Variants in NMBR observed in about 807,000 individuals in gnomAD.
NMBR encodes neuromedin B receptor, also known as neuromedin-B receptor.
Under a neutral mutation model 20.5 loss-of-function variants are expected in NMBR, and 16 were observed. That is an observed-to-expected ratio of 0.78 (90% confidence interval 0.53 to 1.19). NMBR has a LOEUF of 1.19. Among genes scored for constraint, NMBR ranks in the 50% most tolerant of loss-of-function variants. The pLI is 0.00. For missense variants in NMBR, 582 were observed against 499.1 expected (o/e 1.17, Z -1.58); for synonymous variants, 212 against 196.6 (o/e 1.08, Z -0.65).
chr6:142,108,354 G>A (rs763261975), intron 1 of NMBR, among the ~76,000 whole-genome samples: 5 of 151,992 alleles, frequency 3.3e-5, no homozygotes, highest in Non-Finnish European at 7.4e-5. Context: ...TACATAAAAG[G>A]AAACACCAGT....
chr6:142,139,532 T>C (rs187893750), intron 1 of NMBR, among the ~76,000 whole-genome samples: 22 of 152,344 alleles, frequency 1.4e-4, no homozygotes, highest in Admixed American at 1.4e-3. Flanking sequence ...TACCTTACTG[T>C]AGCATCCATT....
intron 1 of NMBR, among the ~76,000 whole-genome samples, chr6:142,103,396 G>C (rs979200002): frequency 6.6e-6 from 1 of 152,168 alleles, no homozygotes; most frequent in African/African-American, 2.4e-5. Context: ...CCATCAGGTA[G>C]CAGAAATGTA....
chr6:142,103,806 AT>A (rs1394482269), intron 1 of NMBR, among the ~76,000 whole-genome samples: 1 of 152,126 alleles, frequency 6.6e-6, no homozygotes, highest in Non-Finnish European at 1.5e-5. Context: ...TATTCAGTTA[AT>A]TTTTTGCCCT....
intron 1 of NMBR, among the ~76,000 whole-genome samples, chr6:142,124,712 T>G (rs1778001574): frequency 6.6e-6 from 1 of 151,898 alleles, no homozygotes; most frequent in African/African-American, 2.4e-5. Context: ...TTAGGAATAT[T>G]TGAAATATGA....
intron 1 of NMBR, among the ~76,000 whole-genome samples, chr6:142,116,469 A>C (rs987257941): frequency 1.3e-5 from 2 of 152,016 alleles, no homozygotes; most frequent in Non-Finnish European, 2.9e-5. Context: ...ATAAATTACT[A>C]GGACCATACA....
chr6:142,145,814 C>G (rs780313099), intron 1 of NMBR, among the ~76,000 whole-genome samples: 3 of 152,142 alleles, frequency 2.0e-5, no homozygotes, highest in Non-Finnish European at 2.9e-5. Context: ...ACATGAGGAC[C>G]TTTTAAAGAT....
intron 1 of NMBR, among the ~76,000 whole-genome samples, chr6:142,141,606 G>A (rs996927892): frequency 2.6e-5 from 4 of 151,288 alleles, no homozygotes; most frequent in Non-Finnish European, 5.9e-5. Context: ...CTGGGTTCAA[G>A]CGATTCTCCT....
chr6:142,128,876 T>C (rs1247411517), intron 1 of NMBR, among the ~76,000 whole-genome samples: 1 of 151,478 alleles, frequency 6.6e-6, no homozygotes, highest in African/African-American at 2.4e-5. Flanking sequence ...GCTTCATAAA[T>C]TGAGTTTGGC....
intron 1 of NMBR, among the ~76,000 whole-genome samples, chr6:142,096,053 A>G (rs1449790499): frequency 4.6e-5 from 7 of 151,520 alleles, no homozygotes; most frequent in African/African-American, 1.7e-4. Flanking sequence ...TTTCTTCTTT[A>G]TTAGTCTTGC....
intron 1 of NMBR, among the ~76,000 whole-genome samples, chr6:142,105,870 C>T (rs1777653940): frequency 6.6e-6 from 1 of 152,094 alleles, no homozygotes; most frequent in Non-Finnish European, 1.5e-5. Flanking sequence ...TGCTTATTAA[C>T]ACCTTTTCTA....
chr6:142,103,535 G>A (rs999322351), intron 1 of NMBR, among the ~76,000 whole-genome samples: 1 of 152,064 alleles, frequency 6.6e-6, no homozygotes, highest in African/African-American at 2.4e-5. Flanking sequence ...TCCATGATGG[G>A]TCATGGAATG....
chr6:142,105,975 T>C (rs1357317845), intron 1 of NMBR, among the ~76,000 whole-genome samples: 1 of 152,214 alleles, frequency 6.6e-6, no homozygotes, highest in Non-Finnish European at 1.5e-5. Flanking sequence ...GTAGACATTT[T>C]ATGATTATCT....
intron 1 of NMBR, among the ~76,000 whole-genome samples, chr6:142,113,995 G>T (rs1048064473): frequency 6.6e-6 from 1 of 152,044 alleles, no homozygotes; most frequent in African/African-American, 2.4e-5. Context: ...CCCCTACGTG[G>T]CATCTTTATG....
chr6:142,109,755 A>G (rs1008433756), intron 1 of NMBR, among the ~76,000 whole-genome samples: 4 of 152,092 alleles, frequency 2.6e-5, no homozygotes, highest in Non-Finnish European at 4.4e-5. Flanking sequence ...GGGGTATTGT[A>G]TTAAGAGGTG....
intron 1 of NMBR, among the ~76,000 whole-genome samples, chr6:142,124,649 A>T (rs762053102): frequency 6.6e-6 from 1 of 151,916 alleles, no homozygotes; most frequent in Non-Finnish European, 1.5e-5. Context: ...AGATATGCGA[A>T]CTATTCAAAA....
chr6:142,095,481 C>G (rs931196552), intron 1 of NMBR, among the ~76,000 whole-genome samples: 4 of 152,156 alleles, frequency 2.6e-5, no homozygotes, highest in African/African-American at 9.7e-5. Flanking sequence ...GTTGAACCAG[C>G]CTTGCATCCC....
intron 1 of NMBR, among the ~76,000 whole-genome samples, chr6:142,145,020 T>TCAA (rs71840613): frequency 1.0e-5 from 1 of 97,642 alleles, no homozygotes; most frequent in Non-Finnish European, 1.9e-5. Context: ...AGAACCTGTC[T>TCAA]AAAAAAAAAA....
chr6:142,144,163 T>G (rs1778396078), intron 1 of NMBR, among the ~76,000 whole-genome samples: 1 of 152,140 alleles, frequency 6.6e-6, no homozygotes, highest in African/African-American at 2.4e-5. Context: ...TGCGGAAAAT[T>G]TAAGGAAAAA....
intron 1 of NMBR, chr6:142,133,921 G>A: frequency 1.4e-6 from 1 of 702,236 alleles, no homozygotes; most frequent in Non-Finnish European, 2.6e-6. Flanking sequence ...TCTTCCTCGG[G>A]GTGCTAGGCT....
Sources: allele counts gnomAD v4.1 joint callset (sites outside exome capture counted in the v4.1 genomes callset), GRCh38; gene constraint gnomAD v4.1.1; transcripts MANE v1.5; gene names NCBI Gene and HGNC (gene_info 2026-07-23, HGNC 2026-07-21).